Variants in FIGN observed in about 807,000 individuals in gnomAD.
FIGN encodes the protein fidgetin, microtubule severing factor, also known as fidgetin.
Under a neutral mutation model 51.3 loss-of-function variants are expected in FIGN, and 11 were observed. The observed-to-expected ratio is 0.21, with a 90% confidence interval of 0.13 to 0.35. FIGN has a LOEUF of 0.35. Among genes scored for constraint, FIGN ranks in the 10% least tolerant of loss-of-function variants. The pLI is 1.00. For missense variants in FIGN, 857 were observed against 943.6 expected, an observed-to-expected ratio of 0.91 and a Z score of 1.20; for synonymous variants, 407 against 363.2, an observed-to-expected ratio of 1.12 and a Z score of -1.37.
In FIGN at chr2:163,625,391, T is replaced by C. The variant is rs1029854331; in HGVS notation, c.26-13585A>G. On this transcript the variant is annotated intron_variant, in intron 2 of 2. Coordinates refer to ENST00000333129, the MANE Select transcript of FIGN (RefSeq NM_018086.4). ...TATAAATAACATTATATTGCTTTAT[T>C]AGATATTGTTGTTAAAAATGTGAAT... 7.9e-5 allele frequency among the ~76,000 whole-genome samples: 12 copies of C among 152,198 alleles called. No homozygotes were observed. In the East Asian group the frequency reaches 2.3e-3, roughly 29 times the overall value.
chr2:163,645,778 G>A (rs766560025), intron 2 of FIGN, among the ~76,000 whole-genome samples: 11 of 152,118 alleles, frequency 7.2e-5, no homozygotes, highest in Non-Finnish European at 1.3e-4. Flanking sequence ...GAGTCATACC[G>A]AAAAGGCAAT....
intron 2 of FIGN, among the ~76,000 whole-genome samples, chr2:163,621,088 A>G (rs983053599): frequency 6.6e-6 from 1 of 152,098 alleles, no homozygotes; most frequent in Admixed American, 6.6e-5. Context: ...CAGTTTACAT[A>G]AGACAAAATA....
At position 163,611,562 on chromosome 2, in the gene FIGN, G is replaced by C; in HGVS notation, c.270C>G (p.Asn90Lys). 6.2e-7 allele frequency: 1 copy of C among 1,614,246 alleles called. No homozygotes were observed. The highest frequency in any genetic ancestry group is 8.5e-7 in the Non-Finnish European group (1 of 1,180,036). Residue 90 changes from asparagine (N) to lysine (K), a missense_variant, in exon 3 of 3, where the codon AAC (asparagine) becomes AAG (lysine). By Grantham distance (94) the Asn-to-Lys change is moderately conservative. Transcript: ENST00000333129. ...CTAGTCCTGATGGTGTGTCCGAATA[G>C]TTGCTGAGTACGGGTCGGTCCACAG... ...EGPVDRPVLS[N>K]YSDTPSGLVN...
At chr2:163,692,717 G>C (rs1224514229) in intron 2 of FIGN, among the ~76,000 whole-genome samples, 1 of 152,152 alleles carries the variant, frequency 6.6e-6, no homozygotes, top group East Asian at 1.9e-4. Flanking sequence ...TAACAGTGGA[G>C]ATGTTAAAAA....
chr2:163,730,165 A>AT lies in FIGN; in HGVS notation c.25+4737dup, dbSNP rs568217111. Among the ~76,000 whole-genome samples, 52 of 152,332 alleles carry AT rather than the reference A, an allele frequency of 3.4e-4. 1 individual carries two copies. The East Asian group carries it at 5.8e-3, about 17-fold the overall frequency. ...TGCTTCGAACTTCAATGTACCATTTATTTTGAGTATATTCTTTCATACTCC... is the reference window on the plus strand; with the variant it reads ...TGCTTCGAACTTCAATGTACCATTTATTTTTGAGTATATTCTTTCATACTCC... On this transcript the variant is annotated intron_variant, in intron 2 of 2. Transcript: ENST00000333129.
chr2:163,611,857 C>T (rs1691269900), intron 2 of FIGN, 51 bp from the exon 3 acceptor site: 2 of 1,474,246 alleles, frequency 1.4e-6, no homozygotes, highest in Non-Finnish European at 1.8e-6. Context: ...GGCATCAGAA[C>T]TCTTAAAGCT....
At chr2:163,734,353 A>T (rs1017352297) in intron 2 of FIGN, among the ~76,000 whole-genome samples, 3 of 151,818 alleles carry the variant, frequency 2.0e-5, no homozygotes, top group Admixed American at 2.0e-4. Context: ...CCCCCCCAAA[A>T]AAAAACCACA....
chr2:163,651,821 C>T (rs539218397), intron 2 of FIGN, among the ~76,000 whole-genome samples: 24 of 152,232 alleles, frequency 1.6e-4, no homozygotes, highest in Non-Finnish European at 2.2e-4. Flanking sequence ...TGTACAACAC[C>T]GTACCATGTT....
intron 2 of FIGN, among the ~76,000 whole-genome samples, chr2:163,694,274 A>G (rs1411089987): frequency 6.6e-6 from 1 of 152,216 alleles, no homozygotes; most frequent in Non-Finnish European, 1.5e-5. Context: ...AAATGCTTAA[A>G]TCAATGTTTC....
chr2:163,646,963 C>A (rs144141436), intron 2 of FIGN, among the ~76,000 whole-genome samples: 1 of 152,206 alleles, frequency 6.6e-6, no homozygotes, highest in Non-Finnish European at 1.5e-5. Flanking sequence ...GCCACAGTTA[C>A]GGGAGCCCAG....
intron 2 of FIGN, chr2:163,612,660 C>G (rs1282849343): frequency 2.1e-6 from 2 of 974,144 alleles, no homozygotes; most frequent in Non-Finnish European, 2.4e-6. Context: ...TCCCTCCTCC[C>G]CTTACAGCCT....
chr2:163,716,628 A>G (rs1016053658), intron 2 of FIGN, among the ~76,000 whole-genome samples: 1 of 152,176 alleles, frequency 6.6e-6, no homozygotes, highest in African/African-American at 2.4e-5. Context: ...CATTTCTAAG[A>G]TTTCTTTTGT....
intron 2 of FIGN, among the ~76,000 whole-genome samples, chr2:163,628,189 A>T (rs1683085969): frequency 6.6e-6 from 1 of 152,126 alleles, no homozygotes. Context: ...TTTGCAATCT[A>T]TCTTCAGGGG....
At chr2:163,664,949 T>C (rs915144398) in intron 2 of FIGN, among the ~76,000 whole-genome samples, 2 of 152,230 alleles carry the variant, frequency 1.3e-5, no homozygotes, top group African/African-American at 4.8e-5. Flanking sequence ...AAGCTGACTG[T>C]CTCCTGTGTG....
intron 2 of FIGN, among the ~76,000 whole-genome samples, chr2:163,691,845 C>T (rs975050899): frequency 4.6e-5 from 7 of 152,008 alleles, no homozygotes; most frequent in Non-Finnish European, 1.5e-5. Flanking sequence ...GAGGAATTTG[C>T]AATTAGAATA....
chr2:163,705,830 A>G lies in FIGN; in HGVS notation c.25+29073T>C, dbSNP rs150994875. On this transcript the variant is annotated intron_variant, in intron 2 of 2. Coordinates refer to ENST00000333129, the MANE Select transcript of FIGN (RefSeq NM_018086.4). ...TGTTTTTTAACATAACTGGTTTAATATAAAAACCAGTTAAGGAATGCCAAC... is the reference window on the plus strand; with the variant it reads ...TGTTTTTTAACATAACTGGTTTAATGTAAAAACCAGTTAAGGAATGCCAAC... Among the ~76,000 whole-genome samples the G allele has an allele frequency of 8.5e-3, 1,297 of 152,254 alleles. 22 individuals carry two copies. Among genetic ancestry groups the G allele is most frequent in the African/African-American group, 0.03 (1,240 of 41,576 alleles).
At chr2:163,662,038 G>GGTT (rs1436151261) in intron 2 of FIGN, among the ~76,000 whole-genome samples, 1 of 152,194 alleles carries the variant, frequency 6.6e-6, no homozygotes, top group African/African-American at 2.4e-5. Flanking sequence ...AACAGGCAGA[G>GGTT]GTTGGAAGAG....
chr2:163,733,960 AAAC>A (rs1174043383), intron 2 of FIGN, among the ~76,000 whole-genome samples: 8 of 151,844 alleles, frequency 5.3e-5, no homozygotes, highest in African/African-American at 1.9e-4. Flanking sequence ...AAAAAAAAAA[AAAC>A]AGTCTAAAGT....
At chr2:163,680,017 A>C (rs1344112269) in intron 2 of FIGN, among the ~76,000 whole-genome samples, 1 of 152,234 alleles carries the variant, frequency 6.6e-6, no homozygotes. Flanking sequence ...TAGCTACTGT[A>C]AGTCTAGGAC....
Sources: gnomAD v4.1 joint callset for allele counts (sites outside exome capture counted in the v4.1 genomes callset) on GRCh38, gnomAD v4.1.1 for gene constraint, MANE v1.5 for transcripts, NCBI Gene and HGNC (gene_info 2026-07-23, HGNC 2026-07-21) for gene names.